Variants in PLEKHA7 observed in about 807,000 individuals in gnomAD.
PLEKHA7 encodes the protein pleckstrin homology domain containing A7.
PLEKHA7 carries 104 observed loss-of-function variants against 170.0 expected under a neutral mutation model. That is an observed-to-expected ratio of 0.61 (90% CI 0.52 to 0.72). PLEKHA7 has a LOEUF of 0.72. PLEKHA7 is among the 30% of genes least tolerant of loss of function. The pLI is 0.00. For missense variants in PLEKHA7, 1,615 were observed against 1,671.7 expected (o/e 0.97, Z 0.59); for synonymous variants, 648 against 660.8 (o/e 0.98, Z 0.30).
At chr11:16,872,664 T>C (rs1023383112) in intron 3 of PLEKHA7, among the ~76,000 whole-genome samples, 9 of 152,058 alleles carry the variant, frequency 5.9e-5, no homozygotes, top group Non-Finnish European at 1.3e-4. Flanking sequence ...GGACTACAGG[T>C]ACATGCCACC....
intron 3 of PLEKHA7, among the ~76,000 whole-genome samples, chr11:16,899,720 T>C (rs1260359729): frequency 1.3e-5 from 2 of 152,120 alleles, no homozygotes; most frequent in African/African-American, 2.4e-5. Flanking sequence ...ACTTCCCATA[T>C]GATTTTCATT....
At chr11:16,994,668 G>A (rs1864239229) in intron 3 of PLEKHA7, among the ~76,000 whole-genome samples, 1 of 152,108 alleles carries the variant, frequency 6.6e-6, no homozygotes, top group South Asian at 2.1e-4. Context: ...CCTAGAACAC[G>A]ACAGGCTCTC....
intron 3 of PLEKHA7, among the ~76,000 whole-genome samples, chr11:16,872,540 G>A (rs1035382641): frequency 1.3e-5 from 2 of 151,838 alleles, no homozygotes; most frequent in Non-Finnish European, 1.5e-5. Context: ...AAATTTTTTT[G>A]ACCGGGTCCC....
chr11:16,987,320 AG>A (rs1006442685), intron 3 of PLEKHA7, among the ~76,000 whole-genome samples: 10 of 145,116 alleles, frequency 6.9e-5, no homozygotes, highest in African/African-American at 1.0e-4. Flanking sequence ...GAAGCCAGCT[AG>A]GCCAACCTTG....
intron 9 of PLEKHA7, among the ~76,000 whole-genome samples, chr11:16,839,132 A>T (rs969370045): frequency 5.9e-5 from 9 of 152,184 alleles, no homozygotes; most frequent in African/African-American, 2.2e-4. Flanking sequence ...TTAAAAATAC[A>T]CTACAGTACA....
chr11:16,916,604 A>G (rs1196509839), intron 3 of PLEKHA7, among the ~76,000 whole-genome samples: 1 of 152,132 alleles, frequency 6.6e-6, no homozygotes, highest in Admixed American at 6.5e-5. Context: ...TTATCACACA[A>G]CCCTGAAGAG....
chr11:17,007,789 G>A lies in PLEKHA7; in HGVS notation c.221+6200C>T, dbSNP rs112845129. On this transcript the variant is annotated intron_variant, in intron 3 of 26. Coordinates refer to ENST00000531066, the MANE Select transcript of PLEKHA7 (RefSeq NM_001329630.2). ...GGGTTTTACCATGTTGCCCAGGCTA[G>A]TCTCAAATTCCTGAGCCCAAGCAAT... Among the ~76,000 whole-genome samples, 883 of 152,154 alleles carry A rather than the reference G, an allele frequency of 5.8e-3. 8 individuals carry two copies. The highest frequency in any genetic ancestry group is 0.021 in the African/African-American group (852 of 41,508).
chr11:16,899,101 A>G (rs184557388), intron 3 of PLEKHA7, among the ~76,000 whole-genome samples: 51 of 152,344 alleles, frequency 3.3e-4, no homozygotes, highest in Non-Finnish European at 8.8e-5. Context: ...GAAAAGCAAA[A>G]GGACAAGTAT....
At chr11:16,857,649 C>T (rs542897512) in intron 4 of PLEKHA7, among the ~76,000 whole-genome samples, 92 of 152,352 alleles carry the variant, frequency 6.0e-4, no homozygotes, top group Non-Finnish European at 9.8e-4. Context: ...GTTATGGCAG[C>T]TGTATCTCTA....
intron 13 of PLEKHA7, among the ~76,000 whole-genome samples, chr11:16,805,585 T>G (rs1343915907): frequency 6.7e-6 from 1 of 149,318 alleles, no homozygotes; most frequent in Non-Finnish European, 1.5e-5. Context: ...AGGTCAGGAG[T>G]TCAAGATCAG....
At chr11:16,998,113 T>C (rs1864450454) in intron 3 of PLEKHA7, among the ~76,000 whole-genome samples, 1 of 152,182 alleles carries the variant, frequency 6.6e-6, no homozygotes, top group Admixed American at 6.5e-5. Context: ...GGCATGAGGA[T>C]TAAAGGAGGC....
chr11:16,925,760 C>G (rs2136285705), intron 3 of PLEKHA7, among the ~76,000 whole-genome samples: 1 of 152,352 alleles, frequency 6.6e-6, no homozygotes, highest in East Asian at 1.9e-4. Context: ...ACATCAGCAC[C>G]GATCAAAGCA....
At chr11:16,942,718 T>C (rs1860774601) in intron 3 of PLEKHA7, among the ~76,000 whole-genome samples, 1 of 152,238 alleles carries the variant, frequency 6.6e-6, no homozygotes, top group Non-Finnish European at 1.5e-5. Context: ...AGTTTAAAAA[T>C]GAATTGCTGC....
At chr11:16,984,983 C>T (rs1590786942) in intron 3 of PLEKHA7, among the ~76,000 whole-genome samples, 1 of 152,202 alleles carries the variant, frequency 6.6e-6, no homozygotes, top group East Asian at 1.9e-4. Flanking sequence ...CCTGACAGCC[C>T]CCTTAACTCT....
chr11:16,911,249 A>C (rs1287381007), intron 3 of PLEKHA7, among the ~76,000 whole-genome samples: 1 of 152,108 alleles, frequency 6.6e-6, no homozygotes, highest in Admixed American at 6.5e-5. Context: ...AGGCCTCCTC[A>C]CCTGTGGGAA....
chr11:16,862,715 C>T (rs1203225144), intron 4 of PLEKHA7, among the ~76,000 whole-genome samples: 3 of 152,188 alleles, frequency 2.0e-5, no homozygotes, highest in Non-Finnish European at 2.9e-5. Context: ...ACCAAAGGCC[C>T]AGCCAACACC....
chr11:16,985,064 G>A (rs533269135), intron 3 of PLEKHA7, among the ~76,000 whole-genome samples: 6 of 152,288 alleles, frequency 3.9e-5, no homozygotes, highest in African/African-American at 1.4e-4. Context: ...GGGTGCCAGC[G>A]GGCTGGGCAC....
intron 23 of PLEKHA7, chr11:16,788,004 T>C (rs993196390): frequency 1.3e-5 from 2 of 152,452 alleles, no homozygotes; most frequent in Middle Eastern, 3.4e-3. Context: ...AATTGTGTGA[T>C]TGGACTACAG....
At chr11:16,810,053 C>A (rs117416132) in intron 13 of PLEKHA7, among the ~76,000 whole-genome samples, 2 of 152,334 alleles carry the variant, frequency 1.3e-5, no homozygotes, top group East Asian at 3.9e-4. Flanking sequence ...GTGGAGGCAG[C>A]CCTTGTTCCA....
Sources: allele counts gnomAD v4.1 joint callset (sites outside exome capture counted in the v4.1 genomes callset), GRCh38; gene constraint gnomAD v4.1.1; transcripts MANE v1.5; gene names NCBI Gene and HGNC (gene_info 2026-07-23, HGNC 2026-07-21).